Variants in STK32B observed in about 807,000 individuals in gnomAD.
STK32B encodes the protein serine/threonine kinase 32B.
Under a neutral mutation model 52.6 loss-of-function variants are expected in STK32B, and 43 were observed. The ratio of observed to expected loss-of-function variants is 0.82; its 90% CI spans 0.64 to 1.05. STK32B has a LOEUF of 1.05. STK32B is among the 50% of genes least tolerant of loss of function. STK32B has a pLI of 0.00. For synonymous variants in STK32B, 238 were observed against 204.3 expected, an observed-to-expected ratio of 1.17 and a Z score of -1.41; for missense variants, 621 against 534.6, an observed-to-expected ratio of 1.16 and a Z score of -1.59.
At chr4:5,391,803 G>A (rs934083624) in intron 4 of STK32B, among the ~76,000 whole-genome samples, 21 of 152,220 alleles carry the variant, frequency 1.4e-4, no homozygotes, top group African/African-American at 3.6e-4. Flanking sequence ...TGACTCTTCT[G>A]GGCTAGAATG....
At chr4:5,231,387 G>C (rs1431252957) in intron 3 of STK32B, among the ~76,000 whole-genome samples, 2 of 152,100 alleles carry the variant, frequency 1.3e-5, no homozygotes, top group African/African-American at 4.8e-5. Flanking sequence ...GAGGCGGAAA[G>C]ATCGCTTGAG....
At chr4:5,311,616 C>T (rs988380507) in intron 3 of STK32B, among the ~76,000 whole-genome samples, 5 of 152,078 alleles carry the variant, frequency 3.3e-5, no homozygotes, top group East Asian at 1.9e-4. Context: ...AACACAGATT[C>T]TGCAGCCATT....
chr4:5,456,504 G>A (rs1051730966), intron 7 of STK32B, among the ~76,000 whole-genome samples: 1 of 152,216 alleles, frequency 6.6e-6, no homozygotes, highest in African/African-American at 2.4e-5. Context: ...AGGGACTCTG[G>A]TGTTAAGCTG....
intron 4 of STK32B, among the ~76,000 whole-genome samples, chr4:5,397,688 C>T (rs976806690): frequency 6.6e-6 from 1 of 152,198 alleles, no homozygotes; most frequent in Non-Finnish European, 1.5e-5. Context: ...TTTTACAGTG[C>T]TTTAAAGATG....
rs148148703 is a variant in STK32B at position 5,173,985 on chromosome 4, C to T, written c.260+5535C>T. ...AGGACTTGCTTTATAAATCTGGGTG[C>T]TCCTGTATTGGGTGCATATATATTT... On this transcript the variant is annotated intron_variant, in intron 3 of 11. Transcript: ENST00000282908. 9.0e-3 allele frequency among the ~76,000 whole-genome samples: 1,366 copies of T among 152,270 alleles called. 23 individuals carry two copies. Among genetic ancestry groups the T allele is most frequent in the South Asian group, 0.024 (116 of 4,822 alleles).
intron 1 of STK32B, among the ~76,000 whole-genome samples, chr4:5,129,676 C>T (rs1715630217): frequency 6.6e-6 from 1 of 152,128 alleles, no homozygotes; most frequent in African/African-American, 2.4e-5. Context: ...TGTGCCTCAA[C>T]CTTTAGTACC....
In STK32B at chr4:5,348,021, A is replaced by G. The variant is rs542419956; in HGVS notation, c.434+16628A>G. 3.9e-5 allele frequency among the ~76,000 whole-genome samples: 6 copies of G among 152,324 alleles called. No individual in the cohort carries two copies. In the East Asian group the frequency reaches 1.2e-3, roughly 29 times the overall value. ...AGTACATAACCACTCTGAGTAGATC[A>G]TCTAAGAGAGAATACAGGAGTTCAA... On this transcript the variant is annotated intron_variant, in intron 4 of 11. Transcript: ENST00000282908.
At chr4:5,066,128 C>G (rs1438523551) in intron 1 of STK32B, among the ~76,000 whole-genome samples, 2 of 152,170 alleles carry the variant, frequency 1.3e-5, no homozygotes, top group African/African-American at 2.4e-5. Flanking sequence ...ATTATTATCT[C>G]AAATTCAACA....
chr4:5,323,912 G>A (rs1456730653), intron 3 of STK32B, among the ~76,000 whole-genome samples: 1 of 152,172 alleles, frequency 6.6e-6, no homozygotes, highest in East Asian at 1.9e-4. Flanking sequence ...GGACTATCTT[G>A]GCTCAGTCCC....
chr4:5,125,126 C>G (rs773687079), intron 1 of STK32B, among the ~76,000 whole-genome samples: 7 of 152,160 alleles, frequency 4.6e-5, no homozygotes, highest in African/African-American at 1.7e-4. Flanking sequence ...CTGCAGGGAA[C>G]GGAATCCTGC....
chr4:5,185,532 G>A (rs954206270), intron 3 of STK32B, among the ~76,000 whole-genome samples: 13 of 152,202 alleles, frequency 8.5e-5, no homozygotes, highest in African/African-American at 3.1e-4. Flanking sequence ...GTAGTGGAGG[G>A]CAGGGAAAGG....
intron 3 of STK32B, among the ~76,000 whole-genome samples, chr4:5,306,860 T>C (rs1398238424): frequency 6.6e-6 from 1 of 152,200 alleles, no homozygotes; most frequent in African/African-American, 2.4e-5. Context: ...TCAGCATTTG[T>C]TTGTCTGAAA....
chr4:5,285,944 G>A (rs977780877), intron 3 of STK32B, among the ~76,000 whole-genome samples: 1 of 152,026 alleles, frequency 6.6e-6, no homozygotes, highest in African/African-American at 2.4e-5. Flanking sequence ...TTAAAGTGAG[G>A]TCATTAGGAC....
At chr4:5,457,035 G>T (rs1009957414) in intron 8 of STK32B, 112 bp downstream of exon 8, 1 of 749,754 alleles carries the variant, frequency 1.3e-6, no homozygotes, top group Non-Finnish European at 2.1e-6. Flanking sequence ...GGGTAGAGAT[G>T]ATCAAATCAG....
chr4:5,115,819 G>A (rs1714684897), intron 1 of STK32B, among the ~76,000 whole-genome samples: 1 of 152,162 alleles, frequency 6.6e-6, no homozygotes, highest in South Asian at 2.1e-4. Context: ...AGATAAAGGT[G>A]AAAATGCTTT....
At chr4:5,242,877 C>T (rs1211528720) in intron 3 of STK32B, among the ~76,000 whole-genome samples, 1 of 152,154 alleles carries the variant, frequency 6.6e-6, no homozygotes, top group African/African-American at 2.4e-5. Context: ...TGTCAAAGAT[C>T]AGATGGTTGT....
chr4:5,185,232 C>T (rs1029875084), intron 3 of STK32B, among the ~76,000 whole-genome samples: 14 of 152,044 alleles, frequency 9.2e-5, no homozygotes, highest in African/African-American at 2.4e-4. Context: ...TGTTTAAAAC[C>T]GGAGGAGGGA....
At chr4:5,292,154 A>G (rs57286434) in intron 3 of STK32B, among the ~76,000 whole-genome samples, 11,161 of 152,162 alleles carry the variant, frequency 0.073, 772 homozygotes, top group African/African-American at 0.18. Context: ...CTTTGGGTAT[A>G]TACCCCGTAA....
At chr4:5,062,302 C>T (rs1268958752) in intron 1 of STK32B, among the ~76,000 whole-genome samples, 1 of 152,140 alleles carries the variant, frequency 6.6e-6, no homozygotes, top group African/African-American at 2.4e-5. Flanking sequence ...TCACTAGGGT[C>T]ATCGTGAGCT....
Sources: allele counts gnomAD v4.1 joint callset (sites outside exome capture counted in the v4.1 genomes callset), GRCh38; gene constraint gnomAD v4.1.1; transcripts MANE v1.5; gene names NCBI Gene and HGNC (gene_info 2026-07-23, HGNC 2026-07-21).